NIPA2: variants seen among roughly 807,000 people sequenced by gnomAD.
NIPA2 encodes the protein NIPA magnesium transporter 2.
NIPA2 carries 11 observed loss-of-function variants against 29.7 expected under a neutral mutation model. That is an observed-to-expected ratio of 0.37 (90% CI 0.23 to 0.61). The LOEUF (loss-of-function observed/expected upper bound fraction) is 0.61. Among genes scored for constraint, NIPA2 ranks in the 20% least tolerant of loss-of-function variants. The pLI is 0.66. For synonymous variants in NIPA2, 183 were observed against 161.9 expected, an observed-to-expected ratio of 1.13 and a Z score of -0.99; for missense variants, 426 against 437.9, an observed-to-expected ratio of 0.97 and a Z score of 0.24.
intron 2 of NIPA2, among the ~76,000 whole-genome samples, chr15:22,844,164 T>G (rs1329074841): frequency 1.3e-5 from 2 of 152,272 alleles, no homozygotes; most frequent in African/African-American, 4.8e-5. Context: ...AGTGGACTAA[T>G]TTCATAATTT....
At chr15:22,853,335 A>G in intron 5 of NIPA2, 67 bp downstream of exon 5, 2 of 955,944 alleles carry the variant, frequency 2.1e-6, no homozygotes, top group Non-Finnish European at 3.3e-6. Flanking sequence ...ATATGGTATT[A>G]TAGCCTCATT....
intron 6 of NIPA2, among the ~76,000 whole-genome samples, chr15:22,859,599 A>G (rs2058476375): frequency 6.6e-6 from 1 of 152,140 alleles, no homozygotes; most frequent in Non-Finnish European, 1.5e-5. Context: ...GCCAATGAGT[A>G]GATTTGCATG....
chr15:22,854,332 G>T (rs1465990037), intron 5 of NIPA2, among the ~76,000 whole-genome samples: 2 of 150,814 alleles, frequency 1.3e-5, no homozygotes, highest in African/African-American at 4.9e-5. Flanking sequence ...TCACCATGTT[G>T]CCCAGGATGG....
At chr15:22,862,362 A>G (rs1180649865) in intron 7 of NIPA2, among the ~76,000 whole-genome samples, 1 of 152,012 alleles carries the variant, frequency 6.6e-6, no homozygotes, top group Non-Finnish European at 1.5e-5. Flanking sequence ...CTGAAAATTT[A>G]TGTCTGACTC....
rs2059118873 is a variant in NIPA2 at position 22,866,782 on chromosome 15, T to C, written c.1018T>C (p.Cys340Arg). 1 of 1,612,460 alleles carries C rather than the reference T, an allele frequency of 6.2e-7. No homozygotes were observed. The highest frequency in any genetic ancestry group is 8.5e-7 in the Non-Finnish European group (1 of 1,179,098). ...TAATAATAATGAAGAAAGCTTAACC[T>C]GTGGAATCGAACAACACACTGGTGA... is the stretch of plus-strand genomic sequence containing the variant. ...VLNNNEESLT[C>R]GIEQHTGENV... The change falls in exon 8 of 8, where the codon TGT becomes CGT. Residue 340 changes from cysteine (C) to arginine (R), a missense_variant. Cys to Arg is a radical substitution (Grantham distance 180). Around this residue, in one of 3 missense-constraint regions of NIPA2, gnomAD observed 357 missense variants for 339.8 expected, o/e 1.05. Transcript: ENST00000337451.
At chr15:22,848,817 T>G (rs570371890) in intron 3 of NIPA2, among the ~76,000 whole-genome samples, 1 of 92,502 alleles carries the variant, frequency 1.1e-5, no homozygotes, top group African/African-American at 4.5e-5. Flanking sequence ...AGAGCAAGAC[T>G]CTTGTCTCAA....
chr15:22,847,695 C>T (rs1899179391), intron 3 of NIPA2, among the ~76,000 whole-genome samples: 1 of 152,144 alleles, frequency 6.6e-6, no homozygotes, highest in South Asian at 2.1e-4. Context: ...AAATCCTGAC[C>T]TCGTGATCTG....
Position 22,865,917 on chromosome 15 carries a change from T to A in NIPA2, c.449-296T>A, listed in dbSNP as rs1239313163. 4.6e-5 allele frequency among the ~76,000 whole-genome samples: 7 copies of A among 152,182 alleles called. No homozygotes were observed. In the East Asian group the frequency reaches 1.3e-3, roughly 29 times the overall value. On this transcript the variant is annotated intron_variant, in intron 7 of 7. Transcript: ENST00000337451. ...TCCTCCCTAGTTTCTGTGTCTGTTCTGTTCCCACTGTCCCTCTTGCCTGGT... is the reference window on the plus strand; with the variant it reads ...TCCTCCCTAGTTTCTGTGTCTGTTCAGTTCCCACTGTCCCTCTTGCCTGGT...
chr15:22,852,467 T>TAA (rs71411211), intron 4 of NIPA2, among the ~76,000 whole-genome samples: 4 of 131,024 alleles, frequency 3.1e-5, no homozygotes, highest in African/African-American at 1.1e-4. Context: ...AGACTCCGTC[T>TAA]AAAAAAAAAA....
intron 6 of NIPA2, among the ~76,000 whole-genome samples, chr15:22,860,426 T>C (rs765452878): frequency 6.6e-6 from 1 of 152,220 alleles, no homozygotes; most frequent in South Asian, 2.1e-4. Flanking sequence ...ACAGGTGTAG[T>C]GTATGATGAA....
chr15:22,844,591 A>T (rs1898097418), intron 2 of NIPA2, among the ~76,000 whole-genome samples: 1 of 152,026 alleles, frequency 6.6e-6, no homozygotes, highest in African/African-American at 2.4e-5. Flanking sequence ...AGAGAGAACA[A>T]GCAGAACAAA....
At chr15:22,849,211 A>T (rs1188956890) in intron 3 of NIPA2, among the ~76,000 whole-genome samples, 1 of 152,222 alleles carries the variant, frequency 6.6e-6, no homozygotes, top group Non-Finnish European at 1.5e-5. Context: ...GATATGCTGA[A>T]GTTAACTTGA....
At chr15:22,855,366 G>C (rs1195586402) in intron 5 of NIPA2, among the ~76,000 whole-genome samples, 1 of 151,942 alleles carries the variant, frequency 6.6e-6, no homozygotes, top group Non-Finnish European at 1.5e-5. Context: ...ACAGTGAGCT[G>C]AGATTGTGCC....
intron 2 of NIPA2, among the ~76,000 whole-genome samples, chr15:22,842,814 G>A (rs982576484): frequency 6.6e-6 from 1 of 150,918 alleles, no homozygotes; most frequent in African/African-American, 2.4e-5. Context: ...GGGGGATAGA[G>A]CGAGACTCTG....
chr15:22,853,082 C>A, intron 4 of NIPA2, 130 bp from the exon 5 acceptor site: 1 of 606,622 alleles, frequency 1.6e-6, no homozygotes, highest in Non-Finnish European at 2.9e-6. Flanking sequence ...TCAGAGAAAT[C>A]CCGAGTCATG....
intron 3 of NIPA2, among the ~76,000 whole-genome samples, chr15:22,849,075 G>A (rs1201453099): frequency 1.3e-5 from 2 of 152,114 alleles, no homozygotes; most frequent in African/African-American, 4.8e-5. Context: ...ATCTTACAGC[G>A]TGTAGAAATG....
At chr15:22,861,075 A>G (rs1036541020) in intron 7 of NIPA2, among the ~76,000 whole-genome samples, 1 of 152,062 alleles carries the variant, frequency 6.6e-6, no homozygotes, top group Non-Finnish European at 1.5e-5. Context: ...TTTTCTTGAG[A>G]TTGTTTACAT....
intron 7 of NIPA2, among the ~76,000 whole-genome samples, chr15:22,861,484 G>C (rs1011169171): frequency 6.6e-6 from 1 of 152,270 alleles, no homozygotes; most frequent in Middle Eastern, 3.4e-3. Context: ...CTCTAGAGGA[G>C]ACAAGAAAGG....
At chr15:22,864,905 A>G (rs1403840483) in intron 7 of NIPA2, among the ~76,000 whole-genome samples, 1 of 152,048 alleles carries the variant, frequency 6.6e-6, no homozygotes, top group African/African-American at 2.4e-5. Flanking sequence ...TCTATTGCCC[A>G]GGCTGGAGTG....
Sources: allele counts gnomAD v4.1 joint callset (sites outside exome capture counted in the v4.1 genomes callset), GRCh38; gene constraint gnomAD v4.1.1; regional missense constraint gnomAD v4.1.1; transcripts MANE v1.5; gene names NCBI Gene and HGNC (gene_info 2026-07-23, HGNC 2026-07-21).